The following TRNAU1AP variants were observed in gnomAD, a reference collection of about 807,000 sequenced individuals.
The protein encoded by TRNAU1AP is tRNA selenocysteine 1-associated protein 1.
A neutral mutation model predicts 43.3 loss-of-function variants in TRNAU1AP; 33 were observed. The observed-to-expected ratio is 0.76, with a 90% confidence interval of 0.58 to 1.02. The LOEUF is 1.02. Among genes scored for constraint, TRNAU1AP ranks in the 50% least tolerant of loss-of-function variants. The pLI is 0.00. For missense variants in TRNAU1AP, 290 were observed against 362.7 expected (o/e 0.80, Z 1.63); for synonymous variants, 143 against 129.1 (o/e 1.11, Z -0.73).
At chr1:28,561,792 G>T (rs1275445664) in intron 4 of TRNAU1AP, among the ~76,000 whole-genome samples, 3 of 152,040 alleles carry the variant, frequency 2.0e-5, no homozygotes, top group Non-Finnish European at 4.4e-5. Context: ...TACAAAAATG[G>T]CCGGGTGTGG....
chr1:28,555,036 G>C (rs186103606), intron 2 of TRNAU1AP, among the ~76,000 whole-genome samples: 1 of 151,868 alleles, frequency 6.6e-6, no homozygotes, highest in East Asian at 1.9e-4. Flanking sequence ...TCAGGAGTTG[G>C]AGACCAGCCT....
chr1:28,571,196 A>C lies in TRNAU1AP; in HGVS notation c.551A>C (p.Glu184Ala). 1 of 1,614,064 alleles carries C rather than the reference A, an allele frequency of 6.2e-7. No homozygotes were observed. Among genetic ancestry groups the C allele is most frequent in the Non-Finnish European group, 8.5e-7 (1 of 1,179,976 alleles). Reference sequence around the variant, plus strand: ...TTAAGGAGCCGTGTAAAGCCAGTGGAATATAGTCAGATGTACAGTTATAGC... The same window carrying C: ...TTAAGGAGCCGTGTAAAGCCAGTGGCATATAGTCAGATGTACAGTTATAGC... ...IPKASRVKPV[E>A]YSQMYSYSYN... The change falls in exon 7 of 9, where the codon GAA (glutamate) becomes GCA (alanine). Residue 184 changes from glutamate to alanine, a missense_variant. Around this residue, in one of 3 missense-constraint regions of TRNAU1AP, gnomAD observed 174 missense variants for 262.1 expected, o/e 0.66. Transcript: ENST00000373830.
intron 4 of TRNAU1AP, among the ~76,000 whole-genome samples, chr1:28,563,969 G>A (rs1418260319): frequency 2.6e-5 from 4 of 152,042 alleles, no homozygotes; most frequent in East Asian, 1.9e-4. Context: ...CCACAAGCTC[G>A]CAGTGGTTTA....
chr1:28,558,220 T>A (rs1168656948), intron 2 of TRNAU1AP, among the ~76,000 whole-genome samples: 1 of 146,886 alleles, frequency 6.8e-6, no homozygotes, highest in East Asian at 2.0e-4. Context: ...TTTGTATTTT[T>A]TTTTTTTTTT....
rs370021450 is a variant in TRNAU1AP, at chr1:28,577,921, G to A, written c.*285G>A. The A allele has an allele frequency of 7.3e-6, 2 of 272,110 alleles. No homozygotes were observed. Among genetic ancestry groups the A allele is most frequent in the East Asian group, 9.2e-5 (1 of 10,884 alleles). 16.9% of individuals were successfully genotyped at this position (272,110 alleles called of 1,614,324 possible). ...TTGGGATTATCCAAAACTGGGATGA[G>A]CAGCTTGGGATAATTCACACACTAA... On this transcript the variant is annotated 3_prime_UTR_variant, in exon 9 of 9. Coordinates refer to ENST00000373830, the MANE Select transcript of TRNAU1AP (RefSeq NM_017846.5).
At chr1:28,561,105 T>A (rs1391912917) in intron 3 of TRNAU1AP, 1 of 1,392,734 alleles carries the variant, frequency 7.2e-7, no homozygotes, top group East Asian at 2.7e-5. Context: ...ATTCTGCTCT[T>A]CCCACAGTTA....
intron 2 of TRNAU1AP, among the ~76,000 whole-genome samples, chr1:28,559,042 T>C (rs1665345313): frequency 6.6e-6 from 1 of 152,006 alleles, no homozygotes; most frequent in African/African-American, 2.4e-5. Context: ...CTGCATTGCA[T>C]TTGGTTCTTC....
At chr1:28,561,812 C>A (rs1269094151) in intron 4 of TRNAU1AP, among the ~76,000 whole-genome samples, 1 of 152,152 alleles carries the variant, frequency 6.6e-6, no homozygotes. Context: ...GTGGCTCACT[C>A]CTATAATCCC....
chr1:28,572,604 T>G (rs1033602247), intron 8 of TRNAU1AP, among the ~76,000 whole-genome samples: 3 of 152,066 alleles, frequency 2.0e-5, no homozygotes, highest in African/African-American at 7.2e-5. Context: ...TTTTCCTGAT[T>G]TTTAAGTCAT....
intron 6 of TRNAU1AP, among the ~76,000 whole-genome samples, chr1:28,568,923 T>C (rs1665600156): frequency 6.6e-6 from 1 of 152,054 alleles, no homozygotes; most frequent in African/African-American, 2.4e-5. Context: ...GCGATTCTCC[T>C]GCCTCAGCCT....
chr1:28,560,921 G>A (rs1665391048), intron 3 of TRNAU1AP, 189 bp downstream of exon 3: 4 of 863,916 alleles, frequency 4.6e-6, no homozygotes, highest in Non-Finnish European at 6.7e-6. Flanking sequence ...GGCAACACAG[G>A]TAGTAAATGG....
intron 8 of TRNAU1AP, 110 bp downstream of exon 8, chr1:28,572,010 CT>C: frequency 1.0e-6 from 1 of 981,776 alleles, no homozygotes; most frequent in Non-Finnish European, 1.6e-6. Context: ...TCTGGAAGAA[CT>C]TACATTCTGG....
At chr1:28,563,640 C>T (rs994240479) in intron 4 of TRNAU1AP, among the ~76,000 whole-genome samples, 4 of 151,390 alleles carry the variant, frequency 2.6e-5, no homozygotes, top group Admixed American at 6.6e-5. Flanking sequence ...GCTGAGATTG[C>T]GCCACTTCAC....
At chr1:28,560,568 G>A (rs1441792108) in intron 2 of TRNAU1AP, 65 bp from the exon 3 acceptor site, 4 of 1,363,986 alleles carry the variant, frequency 2.9e-6, no homozygotes, top group Non-Finnish European at 4.2e-6. Context: ...GAGCCATCAC[G>A]CCTGGCCTCA....
intron 1 of TRNAU1AP, 163 bp downstream of exon 1, chr1:28,553,300 G>A: frequency 1.1e-6 from 1 of 869,716 alleles, no homozygotes; most frequent in Non-Finnish European, 1.7e-6. Context: ...TCTAAGTGAA[G>A]AGGCTGAGTC....
At chr1:28,563,142 C>T (rs1445306610) in intron 4 of TRNAU1AP, among the ~76,000 whole-genome samples, 1 of 151,844 alleles carries the variant, frequency 6.6e-6, no homozygotes, top group Non-Finnish European at 1.5e-5. Context: ...GATCCACCTG[C>T]TTCGGTCTCC....
Position 28,567,414 on chromosome 1 carries a change from G to GT in TRNAU1AP, c.530+2dup. On this transcript the variant is annotated splice_donor_variant, in intron 6 of 8. Transcript: ENST00000373830. LOFTEE classifies it high-confidence loss of function. ...GGCTGAGCGTGGCAATCCCTAAAGC[G>GT]TGAGTCCTGCAGGGAAGGTAGAGAG... 9 of 1,603,196 alleles carry GT rather than the reference G, an allele frequency of 5.6e-6. No individual in the cohort carries two copies. Among genetic ancestry groups the GT allele is most frequent in the African/African-American group, 1.3e-5 (1 of 74,408 alleles).
At chr1:28,561,918 A>G (rs1391134806) in intron 4 of TRNAU1AP, among the ~76,000 whole-genome samples, 1 of 152,104 alleles carries the variant, frequency 6.6e-6, no homozygotes. Flanking sequence ...TAAAAATACA[A>G]CAAATTAGCC....
intron 5 of TRNAU1AP, among the ~76,000 whole-genome samples, chr1:28,566,739 A>C (rs1665548345): frequency 6.6e-6 from 1 of 151,704 alleles, no homozygotes; most frequent in South Asian, 2.1e-4. Context: ...AGCCTGGGCA[A>C]CAAGAGTGAA....
Sources: allele counts gnomAD v4.1 joint callset (sites outside exome capture counted in the v4.1 genomes callset), GRCh38; gene constraint gnomAD v4.1.1; regional missense constraint gnomAD v4.1.1; transcripts MANE v1.5; gene names NCBI Gene and HGNC (gene_info 2026-07-23, HGNC 2026-07-21).